KCNIP4: variants seen among roughly 807,000 people sequenced by gnomAD.
KCNIP4 encodes the protein Kv channel-interacting protein 4.
A neutral mutation model predicts 34.0 loss-of-function variants in KCNIP4; 12 were observed. That is an observed-to-expected ratio of 0.35 (90% confidence interval 0.23 to 0.57). The LOEUF (loss-of-function observed/expected upper bound fraction) is 0.57. Among genes scored for constraint, KCNIP4 ranks in the 20% least tolerant of loss-of-function variants. KCNIP4 has a pLI of 0.83. For synonymous variants in KCNIP4, 124 were observed against 102.2 expected (o/e 1.21, Z -1.29); for missense variants, 238 against 311.7 (o/e 0.76, Z 1.78).
At chr4:21,942,480 T>C (rs1286876750) in intron 1 of KCNIP4, among the ~76,000 whole-genome samples, 1 of 152,218 alleles carries the variant, frequency 6.6e-6, no homozygotes, top group Admixed American at 6.5e-5. Context: ...GGGCATCTAT[T>C]AAGCTCTTTT....
At chr4:21,813,191 C>A (rs1207912033) in intron 1 of KCNIP4, among the ~76,000 whole-genome samples, 1 of 152,118 alleles carries the variant, frequency 6.6e-6, no homozygotes, top group African/African-American at 2.4e-5. Flanking sequence ...TAGAACAATT[C>A]ATATCACCTC....
At chr4:20,888,374 G>A (rs1466461224) in intron 1 of KCNIP4, among the ~76,000 whole-genome samples, 1 of 152,038 alleles carries the variant, frequency 6.6e-6, no homozygotes, top group African/African-American at 2.4e-5. Context: ...TTTTATGATT[G>A]TCTCAGTATG....
chr4:21,059,995 T>A (rs934914999), intron 1 of KCNIP4, among the ~76,000 whole-genome samples: 4 of 152,144 alleles, frequency 2.6e-5, no homozygotes, highest in Non-Finnish European at 5.9e-5. Flanking sequence ...ACATTTTGTT[T>A]GTCCTAATCA....
chr4:20,813,053 G>A (rs901164427), intron 3 of KCNIP4, among the ~76,000 whole-genome samples: 3 of 151,998 alleles, frequency 2.0e-5, no homozygotes, highest in African/African-American at 7.2e-5. Flanking sequence ...AAGTGATGTT[G>A]GAAAAATTGG....
intron 1 of KCNIP4, among the ~76,000 whole-genome samples, chr4:21,423,358 G>A (rs909516154): frequency 2.0e-5 from 3 of 152,188 alleles, no homozygotes; most frequent in Non-Finnish European, 2.9e-5. Flanking sequence ...CATTGCAAGC[G>A]AGAACGTGAG....
intron 1 of KCNIP4, among the ~76,000 whole-genome samples, chr4:21,879,111 C>T (rs1023084760): frequency 1.3e-5 from 2 of 152,002 alleles, no homozygotes; most frequent in African/African-American, 4.8e-5. Flanking sequence ...TAGCTTTTCC[C>T]CCCTTAGGTC....
At chr4:20,769,071 C>T (rs1215931715) in intron 3 of KCNIP4, among the ~76,000 whole-genome samples, 1 of 105,352 alleles carries the variant, frequency 9.5e-6, no homozygotes, top group African/African-American at 4.1e-5. Flanking sequence ...AGATTTACAG[C>T]CAAAAAAAAA....
At chr4:21,630,735 T>G (rs1745706640) in intron 1 of KCNIP4, among the ~76,000 whole-genome samples, 1 of 152,150 alleles carries the variant, frequency 6.6e-6, no homozygotes, top group South Asian at 2.1e-4. Context: ...TTTAAAATCC[T>G]TCAATGATGC....
At chr4:21,730,598 A>G (rs1003006966) in intron 1 of KCNIP4, among the ~76,000 whole-genome samples, 4 of 152,208 alleles carry the variant, frequency 2.6e-5, no homozygotes, top group African/African-American at 9.7e-5. Flanking sequence ...ATAATGAAAA[A>G]TAAGTTTCAT....
intron 2 of KCNIP4, among the ~76,000 whole-genome samples, chr4:20,862,511 CAA>C (rs1722310937): frequency 6.6e-6 from 1 of 151,870 alleles, no homozygotes; most frequent in African/African-American, 2.4e-5. Context: ...GGATTATGAG[CAA>C]AGAGAAAAAT....
chr4:21,843,003 T>C (rs1316572844), intron 1 of KCNIP4, among the ~76,000 whole-genome samples: 1 of 152,062 alleles, frequency 6.6e-6, no homozygotes, highest in Non-Finnish European at 1.5e-5. Flanking sequence ...CATACCTACA[T>C]TTCAGAATTA....
At chr4:21,065,672 T>A (rs1424176815) in intron 1 of KCNIP4, among the ~76,000 whole-genome samples, 1 of 146,230 alleles carries the variant, frequency 6.8e-6, no homozygotes, top group Non-Finnish European at 1.5e-5. Flanking sequence ...TAGCTGTTAC[T>A]ACTGTGAAAA....
intron 3 of KCNIP4, among the ~76,000 whole-genome samples, chr4:20,773,497 G>A (rs1756096093): frequency 6.6e-6 from 1 of 152,196 alleles, no homozygotes. Flanking sequence ...TGAGCAAGCT[G>A]GGGCAGAACG....
chr4:21,066,600 A>G (rs1438788070), intron 1 of KCNIP4, among the ~76,000 whole-genome samples: 1 of 151,424 alleles, frequency 6.6e-6, no homozygotes, highest in East Asian at 2.0e-4. Context: ...GAATGCAGTG[A>G]TTGTGAGACT....
At chr4:21,575,173 T>A (rs1481360273) in intron 1 of KCNIP4, among the ~76,000 whole-genome samples, 2 of 152,008 alleles carry the variant, frequency 1.3e-5, no homozygotes, top group African/African-American at 4.8e-5. Context: ...GGGAGGTCAG[T>A]CACAAAGGTG....
At chr4:21,167,776 T>C (rs6826894) in intron 1 of KCNIP4, among the ~76,000 whole-genome samples, 87,216 of 152,070 alleles carry the variant, frequency 0.57, 25,956 homozygotes, top group African/African-American at 0.73. Context: ...CTGCTCATTT[T>C]TCATTTCTAA....
At chr4:21,021,358 A>G (rs1740015832) in intron 1 of KCNIP4, among the ~76,000 whole-genome samples, 1 of 152,192 alleles carries the variant, frequency 6.6e-6, no homozygotes, top group Non-Finnish European at 1.5e-5. Flanking sequence ...TATAATAAAC[A>G]TTGTACACAG....
intron 2 of KCNIP4, among the ~76,000 whole-genome samples, chr4:20,851,513 T>A (rs1721019930): frequency 6.6e-6 from 1 of 152,200 alleles, no homozygotes; most frequent in African/African-American, 2.4e-5. Context: ...TGTATCTTTA[T>A]AATAGAATGA....
At chr4:21,043,306 A>G (rs1742120110) in intron 1 of KCNIP4, among the ~76,000 whole-genome samples, 1 of 151,988 alleles carries the variant, frequency 6.6e-6, no homozygotes, top group African/African-American at 2.4e-5. Context: ...TTTTAAGGTT[A>G]TGTTTTATTT....
Sources: allele counts gnomAD v4.1 joint callset (sites outside exome capture counted in the v4.1 genomes callset), GRCh38; gene constraint gnomAD v4.1.1; transcripts MANE v1.5; gene names NCBI Gene and HGNC (gene_info 2026-07-23, HGNC 2026-07-21).